Variants in PVT1 observed in about 807,000 individuals in gnomAD.
PVT1 encodes the protein Pvt1 oncogene, also known as CXCR4/PVT1 fusion.
intron 4 of PVT1, among the ~76,000 whole-genome samples, chr8:128,041,080 G>A (rs1394292340): frequency 6.7e-6 from 1 of 149,060 alleles, no homozygotes; most frequent in African/African-American, 2.5e-5. Context: ...GTGTATTTGT[G>A]CATATGTTTG....
intron 4 of PVT1, among the ~76,000 whole-genome samples, chr8:128,028,680 G>A (rs1242461054): frequency 6.6e-6 from 1 of 152,190 alleles, no homozygotes; most frequent in Non-Finnish European, 1.5e-5. Flanking sequence ...GAAGGGTGAT[G>A]AATACTGTAG....
At chr8:128,040,021 T>TTA (rs1813512117) in intron 4 of PVT1, among the ~76,000 whole-genome samples, 1 of 152,174 alleles carries the variant, frequency 6.6e-6, no homozygotes, top group Admixed American at 6.5e-5. Context: ...AGTGCCTATT[T>TTA]GTTTTTTTGT....
At chr8:128,074,441 T>G (rs1814054754) in intron 5 of PVT1, among the ~76,000 whole-genome samples, 1 of 151,520 alleles carries the variant, frequency 6.6e-6, no homozygotes, top group Non-Finnish European at 1.5e-5. Flanking sequence ...GAGAATTGCT[T>G]GAAGCCGGGA....
At chr8:128,020,767 A>G (rs1386131687) in intron 4 of PVT1, among the ~76,000 whole-genome samples, 1 of 152,240 alleles carries the variant, frequency 6.6e-6, no homozygotes, top group Non-Finnish European at 1.5e-5. Context: ...GTAATTTGTT[A>G]TAGTGGCTGT....
At chr8:127,878,765 A>T (rs953816464) in intron 2 of PVT1, among the ~76,000 whole-genome samples, 1 of 152,226 alleles carries the variant, frequency 6.6e-6, no homozygotes, top group Non-Finnish European at 1.5e-5. Context: ...GACAGTGCCC[A>T]TCAGCGAGAA....
At chr8:127,835,364 C>G (rs1452891798) in intron 2 of PVT1, among the ~76,000 whole-genome samples, 1 of 150,728 alleles carries the variant, frequency 6.6e-6, no homozygotes, top group Non-Finnish European at 1.5e-5. Context: ...CCAAACACAG[C>G]ATGTTCTCAT....
chr8:127,868,982 C>T (rs1815322698), intron 2 of PVT1, among the ~76,000 whole-genome samples: 1 of 151,162 alleles, frequency 6.6e-6, no homozygotes, highest in Non-Finnish European at 1.5e-5. Flanking sequence ...GCTTAAGAAG[C>T]TGTAGATGGC....
chr8:127,923,198 C>T (rs892965133), intron 3 of PVT1, among the ~76,000 whole-genome samples: 3 of 152,298 alleles, frequency 2.0e-5, no homozygotes, highest in East Asian at 3.9e-4. Flanking sequence ...AAGCAGGTGG[C>T]GGAGTCACCG....
chr8:127,936,485 G>A (rs1816276479), intron 3 of PVT1, among the ~76,000 whole-genome samples: 1 of 152,204 alleles, frequency 6.6e-6, no homozygotes, highest in African/African-American at 2.4e-5. Flanking sequence ...GAGAAAGGTG[G>A]TGCTGGGTGT....
intron 4 of PVT1, among the ~76,000 whole-genome samples, chr8:128,046,351 A>G (rs1188904152): frequency 6.6e-6 from 1 of 152,208 alleles, no homozygotes; most frequent in Non-Finnish European, 1.5e-5. Context: ...CAAATGAGAA[A>G]ACTGTCCACG....
At chr8:127,804,808 G>C (rs1449550955) in intron 2 of PVT1, among the ~76,000 whole-genome samples, 1 of 149,566 alleles carries the variant, frequency 6.7e-6, no homozygotes, top group African/African-American at 2.5e-5. Flanking sequence ...ATCCCACCTC[G>C]GCTTCCCAAA....
intron 2 of PVT1, among the ~76,000 whole-genome samples, chr8:127,799,065 C>T (rs1271469485): frequency 1.3e-5 from 2 of 151,426 alleles, no homozygotes; most frequent in African/African-American, 4.9e-5. Context: ...TTTTTAATTG[C>T]GAAATTCCGA....
At chr8:127,847,327 C>A (rs1041123973) in intron 2 of PVT1, among the ~76,000 whole-genome samples, 1 of 152,122 alleles carries the variant, frequency 6.6e-6, no homozygotes, top group Admixed American at 6.6e-5. Context: ...GTTGTTGATG[C>A]GCTCTGTTGT....
intron 3 of PVT1, among the ~76,000 whole-genome samples, chr8:127,955,832 G>T (rs939840070): frequency 5.3e-5 from 8 of 152,190 alleles, no homozygotes; most frequent in South Asian, 2.1e-4. Flanking sequence ...TGATCTGCCC[G>T]CCTCGGCCTC....
At chr8:128,098,597 C>T (rs3931281) in intron 6 of PVT1, among the ~76,000 whole-genome samples, 60,181 of 152,068 alleles carry the variant, frequency 0.4, 14,109 homozygotes, top group Non-Finnish European at 0.54. Context: ...TTCTGTGCCT[C>T]ACTTTACTTG....
At chr8:127,839,676 G>C (rs1330695744) in intron 2 of PVT1, among the ~76,000 whole-genome samples, 1 of 152,108 alleles carries the variant, frequency 6.6e-6, no homozygotes, top group Non-Finnish European at 1.5e-5. Flanking sequence ...ACCCAGATGG[G>C]TCATGAGCCC....
intron 3 of PVT1, among the ~76,000 whole-genome samples, chr8:127,970,601 C>G (rs893186257): frequency 4.6e-5 from 7 of 152,082 alleles, no homozygotes; most frequent in African/African-American, 1.7e-4. Flanking sequence ...GCCCAGCCGA[C>G]TTGTTTTTTT....
intron 2 of PVT1, among the ~76,000 whole-genome samples, chr8:127,819,203 G>A (rs1371231385): frequency 6.6e-6 from 1 of 152,188 alleles, no homozygotes; most frequent in Non-Finnish European, 1.5e-5. Context: ...GAATCTCATA[G>A]TACACGTTAC....
At chr8:128,076,292 G>C (rs1814089423) in intron 5 of PVT1, among the ~76,000 whole-genome samples, 1 of 152,148 alleles carries the variant, frequency 6.6e-6, no homozygotes, top group African/African-American at 2.4e-5. Context: ...CACCAGGATT[G>C]ACATAAAGAA....
Sources: allele counts gnomAD v4.1 joint callset (sites outside exome capture counted in the v4.1 genomes callset), GRCh38; gene constraint gnomAD v4.1.1; transcripts MANE v1.5; gene names NCBI Gene and HGNC (gene_info 2026-07-23, HGNC 2026-07-21).